DNAJC25: variants seen among roughly 807,000 people sequenced by gnomAD.
DNAJC25 encodes DnaJ heat shock protein family (Hsp40) member C25.
Under a neutral mutation model 42.1 loss-of-function variants are expected in DNAJC25, and 26 were observed. The observed-to-expected ratio is 0.62, with a 90% CI of 0.45 to 0.86. DNAJC25 has a LOEUF of 0.86. Ranked by LOEUF, DNAJC25 falls within the 40% of genes least tolerant of loss-of-function variation. The probability of loss-of-function intolerance (pLI) is 0.00; values close to 1 mark genes in which losing one functional copy is unlikely to be tolerated. For synonymous variants in DNAJC25, 189 were observed against 179.9 expected (o/e 1.05, Z -0.40); for missense variants, 404 against 459.4 (o/e 0.88, Z 1.10).
intron 1 of DNAJC25, among the ~76,000 whole-genome samples, chr9:111,646,731 A>G (rs941763739): frequency 6.6e-6 from 1 of 152,166 alleles, no homozygotes; most frequent in African/African-American, 2.4e-5. Flanking sequence ...CTGGGACGTG[A>G]TTGTGAATAT....
rs750942878 is a variant in DNAJC25, at chr9:111,649,516, C to T, written c.553C>T (p.Arg185Cys). ...ISYLATVPKY[R>C]IQATEIAKQQ... ...CTACCTAGCCACAGTGCCCAAGTAC[C>T]GTATCCAAGCTACAGAGATTGCCAA... The change falls in exon 3 of 4, where the codon CGT (arginine) becomes TGT (cysteine). Residue 185 changes from arginine (R) to cysteine (C), a missense_variant. Transcript: ENST00000313525. The T allele has an allele frequency of 5.0e-6, 8 of 1,613,256 alleles. No individual in the cohort carries two copies. Among genetic ancestry groups the T allele is most frequent in the Admixed American group, 3.3e-5 (2 of 59,802 alleles).
At chr9:111,642,572 T>C (rs1830493737) in intron 1 of DNAJC25, among the ~76,000 whole-genome samples, 1 of 140,498 alleles carries the variant, frequency 7.1e-6, no homozygotes, top group Non-Finnish European at 1.5e-5. Context: ...CCCTGCCAAA[T>C]CCCCCTCTGT....
chr9:111,642,603 CAATAAATAAATA>C (rs200546212), intron 1 of DNAJC25, among the ~76,000 whole-genome samples: 434 of 109,280 alleles, frequency 4.0e-3, no homozygotes, highest in African/African-American at 7.0e-3. Context: ...CAAGAATTAT[CAATAAATAAATA>C]AATAAATAAA....
chr9:111,649,877 A>G lies in DNAJC25; in HGVS notation c.914A>G (p.Lys305Arg). The G allele has an allele frequency of 6.3e-7, 1 of 1,599,500 alleles. No homozygotes were observed. Residue 305 changes from lysine (K) to arginine (R), a missense_variant, in exon 3 of 4, where the codon AAA becomes AGA. Physicochemically the swap from Lys to Arg is conservative, Grantham distance 26. Transcript: ENST00000313525. ...SQFDSLEDHQ[K>R]ETFLKRELWI... ...TTTGATAGTCTAGAAGATCATCAGA[A>G]AGAAACTTTTCTTAAACGAGAGCTC...
intron 1 of DNAJC25, among the ~76,000 whole-genome samples, chr9:111,634,632 T>C (rs974348521): frequency 1.3e-5 from 2 of 152,106 alleles, no homozygotes; most frequent in African/African-American, 4.8e-5. Context: ...AATAAATGCA[T>C]CACCAAAATG....
In DNAJC25 at chr9:111,631,337, C is replaced by A; in HGVS notation, c.-71C>A. ...CTGCTGACGTGTAGCTGGGGCCAGACGGGACTAGCCGGGCGCGCGGCTGAG... is the reference window on the plus strand; with the variant it reads ...CTGCTGACGTGTAGCTGGGGCCAGAAGGGACTAGCCGGGCGCGCGGCTGAG... On this transcript the variant is annotated 5_prime_UTR_variant, in exon 1 of 4. Coordinates refer to ENST00000313525, the MANE Select transcript of DNAJC25 (RefSeq NM_001015882.3). 2 of 1,245,580 alleles carry A rather than the reference C, an allele frequency of 1.6e-6. No individual in the cohort carries two copies. Among genetic ancestry groups the A allele is most frequent in the Non-Finnish European group, 2.0e-6 (2 of 997,366 alleles). 77.2% of individuals were successfully genotyped at this position (1,245,580 alleles called of 1,614,324 possible).
rs777750152 is a variant in DNAJC25 at position 111,649,569 on chromosome 9, A to C, written c.606A>C (p.Lys202Asn). 6.2e-7 allele frequency: 1 copy of C among 1,614,152 alleles called. No homozygotes were observed. The highest frequency in any genetic ancestry group is 8.5e-7 in the Non-Finnish European group (1 of 1,180,006). The change falls in exon 3 of 4, where the codon AAA (lysine) becomes AAC (asparagine). Residue 202 changes from lysine to asparagine, a missense_variant. Transcript: ENST00000313525. ...AGCAGGGACTGCTCAAAAAAGCCAA[A>C]GAAAAAGGCAAAAACAAAAAGTCCA... is the stretch of plus-strand genomic sequence containing the variant. ...AKQQGLLKKA[K>N]EKGKNKKSKE...
chr9:111,645,992 C>T (rs940242311), intron 1 of DNAJC25, among the ~76,000 whole-genome samples: 7 of 152,198 alleles, frequency 4.6e-5, no homozygotes, highest in African/African-American at 1.7e-4. Context: ...AGGCTGATCT[C>T]AGACTCCTGG....
Position 111,649,475 on chromosome 9 carries a change from A to G in DNAJC25, c.512A>G (p.Tyr171Cys). 6.3e-7 allele frequency: 1 copy of G among 1,590,608 alleles called. No individual in the cohort carries two copies. Among genetic ancestry groups the G allele is most frequent in the South Asian group, 1.2e-5 (1 of 86,490 alleles). Reference sequence around the variant, plus strand: ...TAGTTTTTCAGCTGGTGGAATAGCTACAATAAGGCAATCAGCTACCTAGCC... The same window carrying G: ...TAGTTTTTCAGCTGGTGGAATAGCTGCAATAAGGCAATCAGCTACCTAGCC... ...VFQFFSWWNS[Y>C]NKAISYLATV... Residue 171 changes from tyrosine (Y) to cysteine (C), a missense_variant, in exon 3 of 4, where the codon TAC (tyrosine) becomes TGC (cysteine). Physicochemically the swap from Tyr to Cys is radical, Grantham distance 194. Transcript: ENST00000313525.
chr9:111,643,421 A>G (rs191185716), intron 1 of DNAJC25, among the ~76,000 whole-genome samples: 2 of 152,346 alleles, frequency 1.3e-5, no homozygotes, highest in East Asian at 1.9e-4. Context: ...TAAGTGCTAT[A>G]ATAAATAGGT....
intron 3 of DNAJC25, among the ~76,000 whole-genome samples, chr9:111,650,649 T>G (rs193117317): frequency 1.3e-5 from 2 of 152,238 alleles, no homozygotes; most frequent in African/African-American, 4.8e-5. Context: ...CAGTGAAACC[T>G]TTTTGTTTTC....
chr9:111,643,627 G>A (rs1830520488), intron 1 of DNAJC25, among the ~76,000 whole-genome samples: 1 of 152,054 alleles, frequency 6.6e-6, no homozygotes, highest in Non-Finnish European at 1.5e-5. Flanking sequence ...TAAAAGAGGG[G>A]AAACTGATAA....
chr9:111,649,606 C>A lies in DNAJC25; in HGVS notation c.643C>A (p.Arg215Ser), dbSNP rs745598077. 6.2e-7 allele frequency: 1 copy of A among 1,613,850 alleles called. No homozygotes were observed. The highest frequency in any genetic ancestry group is 1.3e-5 in the African/African-American group (1 of 74,880). ...GKNKKSKEEIRDEEENIIKNI... is the reference protein window; with the variant it reads ...GKNKKSKEEISDEEENIIKNI... ...AAACAAAAAGTCCAAAGAAGAAATT[C>A]GTGACGAGGAGGAGAACATCATAAA... The change falls in exon 3 of 4, where the codon CGT becomes AGT. Residue 215 changes from arginine to serine, a missense_variant. Arg to Ser is a moderately radical substitution (Grantham distance 110). Transcript: ENST00000313525.
At chr9:111,632,177 T>C (rs1417835709) in intron 1 of DNAJC25, among the ~76,000 whole-genome samples, 1 of 152,246 alleles carries the variant, frequency 6.6e-6, no homozygotes, top group Admixed American at 6.5e-5. Context: ...GTGTTAATGG[T>C]GACGCTTAGT....
At position 111,650,074 on chromosome 9, in the gene DNAJC25, C is replaced by A. The variant is rs61037637; in HGVS notation, c.960+151C>A. 5.7e-3 allele frequency: 4,073 copies of A among 710,362 alleles called. 145 individuals carry two copies. The African/African-American group carries it at 0.067, about 12-fold the overall frequency. 44.0% of individuals were successfully genotyped at this position (710,362 alleles called of 1,614,324 possible). ...AAGACCTTTTATTGAAAGTAGGACT[C>A]TATTTGGTAGTGAGACGGTGGGTTT... is the stretch of plus-strand genomic sequence containing the variant. On this transcript the variant is annotated intron_variant, in intron 3 of 3. Transcript: ENST00000313525.
chr9:111,639,898 C>CTCTCCT (rs1181850541), intron 1 of DNAJC25, among the ~76,000 whole-genome samples: 2 of 53,238 alleles, frequency 3.8e-5, no homozygotes, highest in Admixed American at 5.1e-4. Flanking sequence ...CAAGGAGGAG[C>CTCTCCT]TCTCCCTCTC....
chr9:111,631,805 C>T, intron 1 of DNAJC25, 62 bp downstream of exon 1: 1 of 1,452,054 alleles, frequency 6.9e-7, no homozygotes, highest in Non-Finnish European at 9.0e-7. Flanking sequence ...CGGCGCCTTC[C>T]GACCCCGGTC....
intron 1 of DNAJC25, among the ~76,000 whole-genome samples, chr9:111,637,001 T>C (rs1365121065): frequency 6.6e-6 from 1 of 152,234 alleles, no homozygotes; most frequent in Non-Finnish European, 1.5e-5. Flanking sequence ...GCTGACATGA[T>C]GTAATCAACA....
In DNAJC25 at chr9:111,653,310, G is replaced by C; in HGVS notation, c.*88G>C. 2 of 1,333,326 alleles carry C rather than the reference G, an allele frequency of 1.5e-6. No individual in the cohort carries two copies. The highest frequency in any genetic ancestry group is 2.0e-4 in the Middle Eastern group (1 of 5,032). 82.6% of individuals were successfully genotyped at this position (1,333,326 alleles called of 1,614,324 possible). A position where few individuals can be genotyped will look rare whatever the true frequency, so the allele number is the denominator to read the frequency against. ...TTTAGAAATGTATCAATTGACTGCT[G>C]CTCAGCAGTAACTAAAATTCCTCAA... is the stretch of plus-strand genomic sequence containing the variant. On this transcript the variant is annotated 3_prime_UTR_variant, in exon 4 of 4. Coordinates refer to ENST00000313525, the MANE Select transcript of DNAJC25 (RefSeq NM_001015882.3).
Sources: gnomAD v4.1 joint callset for allele counts (sites outside exome capture counted in the v4.1 genomes callset) on GRCh38, gnomAD v4.1.1 for gene constraint, MANE v1.5 for transcripts, NCBI Gene and HGNC (gene_info 2026-07-23, HGNC 2026-07-21) for gene names.